The following MAOB variants were observed in gnomAD, a reference collection of about 807,000 sequenced individuals.
MAOB encodes the protein amine oxidase [flavin-containing] B.
Under a neutral mutation model 41.9 loss-of-function variants are expected in MAOB, and 15 were observed. The observed-to-expected ratio is 0.36, with a 90% CI of 0.24 to 0.55. The LOEUF (loss-of-function observed/expected upper bound fraction) is 0.55. MAOB is among the 20% of genes least tolerant of loss of function. The pLI is 0.86. For synonymous variants in MAOB, 167 were observed against 144.2 expected (o/e 1.16, Z -1.13); for missense variants, 345 against 398.7 (o/e 0.87, Z 1.15).
intron 3 of MAOB, among the ~76,000 whole-genome samples, chrX:43,827,047 T>A (rs2034957610): frequency 8.9e-6 from 1 of 111,796 alleles, no homozygotes; most frequent in Non-Finnish European, 1.9e-5. Flanking sequence ...AGAGAAAGCC[T>A]AAATTAAGAA....
chrX:43,773,523 A>C (rs1174847310), intron 12 of MAOB, among the ~76,000 whole-genome samples: 3 of 112,898 alleles, frequency 2.7e-5, no homozygotes, highest in Non-Finnish European at 5.6e-5. Context: ...CAATAAATGC[A>C]GAATGAAACA....
At position 43,781,432 on chromosome X, in the gene MAOB, C is replaced by T. The variant is rs751848411; in HGVS notation, c.1025+16G>A. On this transcript the variant is annotated intron_variant, in intron 9 of 14. Coordinates refer to ENST00000378069, the MANE Select transcript of MAOB (RefSeq NM_000898.5). ...CAACACTGAATAGCAGCCACAACAC[C>T]ATAATTGTGCCTTACCCCATTATGG... 2.1e-5 allele frequency: 23 copies of T among 1,074,000 alleles called. No homozygotes were observed. The highest frequency in any genetic ancestry group is 2.9e-5 in the Non-Finnish European group (23 of 793,247). The allele number at this position is 1,074,000 out of a possible 1,213,427, so 88.5% of individuals were successfully genotyped here. A position where few individuals can be genotyped will look rare whatever the true frequency, so the allele number is the denominator to read the frequency against.
chrX:43,788,426 C>T (rs1249580478), intron 8 of MAOB, among the ~76,000 whole-genome samples: 3 of 111,877 alleles, frequency 2.7e-5, no homozygotes, highest in Middle Eastern at 4.2e-3. Flanking sequence ...CAGACCCTAA[C>T]AAAAATTTCA....
intron 1 of MAOB, among the ~76,000 whole-genome samples, chrX:43,864,763 G>A (rs1210358315): frequency 9.0e-6 from 1 of 111,222 alleles, no homozygotes; most frequent in Admixed American, 9.6e-5. Context: ...GTCAGCCTCA[G>A]GACAGCATCT....
At chrX:43,836,383 G>T (rs939261614) in intron 3 of MAOB, among the ~76,000 whole-genome samples, 1 of 112,340 alleles carries the variant, frequency 8.9e-6, no homozygotes, top group Non-Finnish European at 1.9e-5. Flanking sequence ...TAAGGTCTTC[G>T]TCATTATGTA....
chrX:43,772,937 G>A (rs1360786115), intron 12 of MAOB, among the ~76,000 whole-genome samples: 2 of 112,134 alleles, frequency 1.8e-5, no homozygotes, highest in Non-Finnish European at 3.8e-5. Context: ...GGCTTCACCA[G>A]AAACTGAGCA....
chrX:43,775,337 C>A lies in MAOB; in HGVS notation c.1138-65G>T. On this transcript the variant is annotated intron_variant, in intron 11 of 14. Coordinates refer to ENST00000378069, the MANE Select transcript of MAOB (RefSeq NM_000898.5). ...GAAAGCTATTTAGCCTAGAATAAAT[C>A]GAACAGTTTAGTAGGCTTTGTATTG... The A allele has an allele frequency of 1.2e-5, 14 of 1,159,439 alleles. No individual in the cohort carries two copies. The South Asian group carries it at 2.2e-4, about 18-fold the overall frequency.
intron 6 of MAOB, among the ~76,000 whole-genome samples, chrX:43,796,178 C>T (rs1267407825): frequency 8.9e-6 from 1 of 111,777 alleles, no homozygotes; most frequent in Non-Finnish European, 1.9e-5. Context: ...CATCCCTGCT[C>T]TCTGTCCTAT....
chrX:43,837,959 G>A (rs769522361), intron 3 of MAOB: 1 of 331,363 alleles, frequency 3.0e-6, no homozygotes, highest in South Asian at 2.6e-5. Flanking sequence ...TGTGAAGAGA[G>A]TCTGAGGACC....
intron 8 of MAOB, among the ~76,000 whole-genome samples, chrX:43,782,503 T>C (rs1339532992): frequency 6.3e-5 from 7 of 111,037 alleles, no homozygotes; most frequent in African/African-American, 2.3e-4. Flanking sequence ...TAATTAATAG[T>C]CTACCAACCA....
chrX:43,827,060 G>C (rs1031340491), intron 3 of MAOB, among the ~76,000 whole-genome samples: 16 of 111,964 alleles, frequency 1.4e-4, no homozygotes, highest in Non-Finnish European at 2.8e-4. Flanking sequence ...ATTAAGAATA[G>C]AGAATACCAG....
chrX:43,773,138 T>A (rs2034207428), intron 12 of MAOB, among the ~76,000 whole-genome samples: 1 of 112,313 alleles, frequency 8.9e-6, no homozygotes, highest in African/African-American at 3.2e-5. Context: ...TGCCATTCCA[T>A]CTGCATAGAC....
rs376366386 is a variant in MAOB at position 43,856,442 on chromosome X, C to T, written c.47-12678G>A. On this transcript the variant is annotated intron_variant, in intron 1 of 14. Coordinates refer to ENST00000378069, the MANE Select transcript of MAOB (RefSeq NM_000898.5). ...CTGAAATCCTAGTGTTTTAAAAATT[C>T]AATTATAGTAGATTTTACCTTCTGC... 6.3e-5 allele frequency among the ~76,000 whole-genome samples: 7 copies of T among 111,746 alleles called. No homozygotes were observed. The South Asian group carries it at 1.1e-3, about 18-fold the overall frequency.
chrX:43,790,565 G>A (rs997704394), intron 8 of MAOB, among the ~76,000 whole-genome samples: 1 of 111,193 alleles, frequency 9.0e-6, no homozygotes, highest in Non-Finnish European at 1.9e-5. Flanking sequence ...GCTTTGGTGA[G>A]GCTATCTCAT....
rs374853172 is a variant in MAOB at position 43,802,159 on chromosome X, T to A, written c.476+13A>T. 4.2e-6 allele frequency: 5 copies of A among 1,188,813 alleles called. No homozygotes were observed. In the Admixed American group the frequency reaches 8.8e-5, roughly 21 times the overall value. ...GGTCACAGTAAATGCCTGTGCCTAA[T>A]GGCAAGACTTACTCAGTCCAGCAGA... On this transcript the variant is annotated intron_variant, in intron 5 of 14. Transcript: ENST00000378069.
chrX:43,824,724 C>A (rs915590422), intron 3 of MAOB, among the ~76,000 whole-genome samples: 1 of 112,288 alleles, frequency 8.9e-6, no homozygotes, highest in Non-Finnish European at 1.9e-5. Flanking sequence ...TTTGTATCTG[C>A]CCCCAAAGAA....
chrX:43,870,794 C>CA (rs763016344), intron 1 of MAOB, among the ~76,000 whole-genome samples: 1,099 of 21,375 alleles, frequency 0.051, 26 homozygotes, highest in East Asian at 0.1. Flanking sequence ...GACTCCACCT[C>CA]AAAAAAAAAA....
At chrX:43,806,261 C>T (rs1010658361) in intron 3 of MAOB, among the ~76,000 whole-genome samples, 2 of 111,779 alleles carry the variant, frequency 1.8e-5, no homozygotes, top group Non-Finnish European at 3.8e-5. Flanking sequence ...TCCAGGATAC[C>T]ACATTTCATT....
chrX:43,792,372 C>T (rs1254292135), intron 8 of MAOB, among the ~76,000 whole-genome samples: 1 of 112,082 alleles, frequency 8.9e-6, no homozygotes, highest in African/African-American at 3.2e-5. Flanking sequence ...AGCTTCTACA[C>T]AGCAAAAGAA....
Sources: gnomAD v4.1 joint callset for allele counts (sites outside exome capture counted in the v4.1 genomes callset) on GRCh38, gnomAD v4.1.1 for gene constraint, MANE v1.5 for transcripts, NCBI Gene and HGNC (gene_info 2026-07-23, HGNC 2026-07-21) for gene names.